The following UBR3 variants were observed in gnomAD, a reference collection of about 807,000 sequenced individuals.
UBR3 encodes the protein ubiquitin protein ligase E3 component n-recognin 3.
Under a neutral mutation model 243.2 loss-of-function variants are expected in UBR3, and 85 were observed. That is an observed-to-expected ratio of 0.35 (90% CI 0.29 to 0.42). UBR3 has a LOEUF of 0.42. UBR3 is among the 10% of genes least tolerant of loss of function. The pLI, the probability that UBR3 is intolerant of heterozygous loss-of-function variation, is 1.00. For synonymous variants in UBR3, 748 were observed against 799.8 expected (o/e 0.94, Z 1.09); for missense variants, 1,686 against 2,300.8 (o/e 0.73, Z 5.47).
At chr2:169,882,222 TATATAC>T (rs2083902910) in intron 5 of UBR3, among the ~76,000 whole-genome samples, 1 of 133,828 alleles carries the variant, frequency 7.5e-6, no homozygotes, top group African/African-American at 2.8e-5. Context: ...ATATGTATAT[TATATAC>T]ATATATTTAT....
intron 33 of UBR3, among the ~76,000 whole-genome samples, chr2:170,058,500 CTTTCT>C (rs1443140581): frequency 2.8e-5 from 4 of 144,172 alleles, no homozygotes; most frequent in South Asian, 2.2e-4. Flanking sequence ...CTTTTCCTTT[CTTTCT>C]TTTCTTATCT....
chr2:170,032,980 C>A (rs1421637254), intron 31 of UBR3, among the ~76,000 whole-genome samples: 8 of 151,930 alleles, frequency 5.3e-5, no homozygotes, highest in Admixed American at 5.3e-4. Context: ...AATTAGCAAA[C>A]TGAGTATTTT....
At chr2:169,963,519 G>A (rs1468280307) in intron 24 of UBR3, among the ~76,000 whole-genome samples, 1 of 151,756 alleles carries the variant, frequency 6.6e-6, no homozygotes, top group Non-Finnish European at 1.5e-5. Context: ...ATTTCAGTAG[G>A]AGTTTTTTAA....
At chr2:169,879,402 G>T (rs2083737696) in intron 5 of UBR3, among the ~76,000 whole-genome samples, 1 of 152,060 alleles carries the variant, frequency 6.6e-6, no homozygotes, top group Admixed American at 6.6e-5. Context: ...AAATTTTATA[G>T]TTTTTCCCCT....
At chr2:169,837,110 T>C (rs1477649981) in intron 1 of UBR3, among the ~76,000 whole-genome samples, 2 of 152,240 alleles carry the variant, frequency 1.3e-5, no homozygotes, top group Non-Finnish European at 2.9e-5. Flanking sequence ...CTTAGGTCTT[T>C]TGTCCATCTG....
intron 32 of UBR3, among the ~76,000 whole-genome samples, chr2:170,041,583 T>A (rs2090969786): frequency 1.3e-5 from 2 of 152,242 alleles, no homozygotes; most frequent in African/African-American, 4.8e-5. Context: ...TTAGCAACAT[T>A]TTAATTATTG....
chr2:169,913,497 A>T (rs1665162739), intron 10 of UBR3, among the ~76,000 whole-genome samples: 2 of 152,132 alleles, frequency 1.3e-5, no homozygotes, highest in African/African-American at 4.8e-5. Flanking sequence ...TTCAAGTGGT[A>T]CACACATCAT....
rs530850188 is a variant in UBR3 at position 169,984,405 on chromosome 2, G to A, written c.3635-2240G>A. Among the ~76,000 whole-genome samples the A allele has an allele frequency of 2.0e-5, 3 of 152,162 alleles. No homozygotes were observed. In the South Asian group the frequency reaches 6.2e-4, roughly 32 times the overall value. ...CTAGCATCCCATAAGCTCCCTTCAT[G>A]GTCTCTTTCTGTCACTGCTTCTTCC... On this transcript the variant is annotated intron_variant, in intron 24 of 38. Transcript: ENST00000272793.
At chr2:169,994,044 G>A (rs1245722729) in intron 25 of UBR3, among the ~76,000 whole-genome samples, 2 of 152,046 alleles carry the variant, frequency 1.3e-5, no homozygotes, top group Non-Finnish European at 2.9e-5. Flanking sequence ...ATATCATGTA[G>A]GCTTTTTCAG....
rs1255041909 is a variant in UBR3 at position 169,905,223 on chromosome 2, T to C, written c.1575T>C (p.Ser525=). The change falls in exon 9 of 39, where the codon AGT becomes AGC. Residue 525 remains serine (S), a synonymous_variant. Transcript: ENST00000272793. ...TTATTAATATTCTTTCTCATCAAAGTGTGGCCAAGAGATTTTTGGAGGATC... is the reference window on the plus strand; with the variant it reads ...TTATTAATATTCTTTCTCATCAAAGCGTGGCCAAGAGATTTTTGGAGGATC... ...SDFINILSHQ[S]VAKRFLEDHG... 11 of 1,542,932 alleles carry C rather than the reference T, an allele frequency of 7.1e-6. No homozygotes were observed. The South Asian group carries it at 1.2e-4, about 17-fold the overall frequency.
intron 26 of UBR3, among the ~76,000 whole-genome samples, chr2:170,001,038 A>G (rs2089676685): frequency 6.6e-6 from 1 of 152,242 alleles, no homozygotes; most frequent in Admixed American, 6.5e-5. Context: ...CATATATTTT[A>G]TGGAGCGGAC....
At chr2:169,969,548 C>CTTTTT (rs199918460) in intron 24 of UBR3, among the ~76,000 whole-genome samples, 1 of 134,184 alleles carries the variant, frequency 7.5e-6, no homozygotes, top group Non-Finnish European at 1.6e-5. Context: ...CCATTTGTGT[C>CTTTTT]TTTTTTTTTT....
At chr2:170,034,404 G>A (rs574494134) in intron 31 of UBR3, among the ~76,000 whole-genome samples, 37 of 151,884 alleles carry the variant, frequency 2.4e-4, no homozygotes, top group East Asian at 9.7e-4. Flanking sequence ...TACCTTTTCC[G>A]GAATGTCATA....
chr2:170,007,819 G>T lies in UBR3; in HGVS notation c.4230+629G>T, dbSNP rs74499100. On this transcript the variant is annotated intron_variant, in intron 28 of 38. Transcript: ENST00000272793. ...CCGGAGGTTGCAGGGAGCTGGGATC[G>T]TGCCACTCCACTCCAGTCTAGGCAG... Among the ~76,000 whole-genome samples, 744 of 152,152 alleles carry T rather than the reference G, an allele frequency of 4.9e-3. 5 individuals carry two copies. Among genetic ancestry groups the T allele is most frequent in the African/African-American group, 0.017 (709 of 41,496 alleles).
chr2:169,867,662 C>T (rs1264955735), intron 1 of UBR3, among the ~76,000 whole-genome samples: 1 of 152,120 alleles, frequency 6.6e-6, no homozygotes, highest in Non-Finnish European at 1.5e-5. Context: ...ATGCTTTCAA[C>T]GAATTAGTAA....
intron 1 of UBR3, among the ~76,000 whole-genome samples, chr2:169,843,549 A>C (rs556162028): frequency 6.6e-6 from 1 of 152,344 alleles, no homozygotes; most frequent in African/African-American, 2.4e-5. Flanking sequence ...AGTTTTGGAG[A>C]GGTAACATAT....
rs908969242 is a variant in UBR3, at chr2:169,841,617, T to C, written c.545+13565T>C. Among the ~76,000 whole-genome samples, 138 of 152,236 alleles carry C rather than the reference T, an allele frequency of 9.1e-4. No individual in the cohort carries two copies. The Middle Eastern group carries it at 0.017, about 19-fold the overall frequency. Reference sequence around the variant, plus strand: ...GGGTGGGCGTGGGCTTGGTGGGCCCTGCACTCGGAGCAGCCAGCCAGCCCT... The same window carrying C: ...GGGTGGGCGTGGGCTTGGTGGGCCCCGCACTCGGAGCAGCCAGCCAGCCCT... On this transcript the variant is annotated intron_variant, in intron 1 of 38. Transcript: ENST00000272793.
chr2:169,829,725 A>G (rs919161305), intron 1 of UBR3, among the ~76,000 whole-genome samples: 11 of 152,134 alleles, frequency 7.2e-5, no homozygotes, highest in African/African-American at 2.4e-4. Context: ...CGCCCGGCCA[A>G]CATTTGAGTT....
In UBR3 at chr2:170,029,378, C is replaced by A. The variant is rs749828158; in HGVS notation, c.4486C>A (p.Arg1496=). Reference sequence around the variant, plus strand: ...GTTTCATGTATTAGCCTTGCACATGCGGCTTTATAGCATTGACTCTGAGTA... The same window carrying A: ...GTTTCATGTATTAGCCTTGCACATGAGGCTTTATAGCATTGACTCTGAGTA... ...QLFHVLALHM[R]LYSIDSEYNP... The change falls in exon 31 of 39, where the codon CGG becomes AGG. Residue 1496 remains arginine (R), a synonymous_variant. Transcript: ENST00000272793. 6.2e-7 allele frequency: 1 copy of A among 1,610,778 alleles called. No individual in the cohort carries two copies. Among genetic ancestry groups the A allele is most frequent in the Non-Finnish European group, 8.5e-7 (1 of 1,178,328 alleles).
Sources: allele counts gnomAD v4.1 joint callset (sites outside exome capture counted in the v4.1 genomes callset), GRCh38; gene constraint gnomAD v4.1.1; transcripts MANE v1.5; gene names NCBI Gene and HGNC (gene_info 2026-07-23, HGNC 2026-07-21).